The following MED12L variants were observed in gnomAD, a reference collection of about 807,000 sequenced individuals.
The protein encoded by MED12L is mediator complex subunit 12L, also known as mediator of RNA polymerase II transcription subunit 12-like protein.
Under a neutral mutation model 281.3 loss-of-function variants are expected in MED12L, and 60 were observed. The ratio of observed to expected loss-of-function variants is 0.21; its 90% CI spans 0.17 to 0.26. The LOEUF (loss-of-function observed/expected upper bound fraction) is 0.26, where lower values mean the gene tolerates loss of function less well. MED12L is among the 10% of genes least tolerant of loss of function. MED12L has a pLI of 1.00. For missense variants in MED12L, 2,146 were observed against 2,680.9 expected (o/e 0.80, Z 4.41); for synonymous variants, 974 against 987.2 (o/e 0.99, Z 0.25).
chr3:151,201,754 T>C (rs1169203259), intron 16 of MED12L, among the ~76,000 whole-genome samples: 1 of 152,278 alleles, frequency 6.6e-6, no homozygotes, highest in Admixed American at 6.5e-5. Flanking sequence ...ATTTTGAACA[T>C]ACTTTTCTTC....
rs1437832398 is a variant in MED12L at position 151,329,050 on chromosome 3, G to T, written c.2251-21009G>T. ...ATATACAAACAAAAGAAAACAAAAA[G>T]CCCTTCATGATTTTCAAATGCTATT... is the stretch of plus-strand genomic sequence containing the variant. On this transcript the variant is annotated intron_variant, in intron 16 of 44. Coordinates refer to ENST00000687756, the MANE Select transcript of MED12L (RefSeq NM_001393769.1). 7 of 1,399,776 alleles carry T rather than the reference G, an allele frequency of 5.0e-6. No individual in the cohort carries two copies. In the African/African-American group the frequency reaches 8.7e-5, roughly 17 times the overall value. 86.7% of individuals were successfully genotyped at this position (1,399,776 alleles called of 1,614,324 possible).
intron 16 of MED12L, among the ~76,000 whole-genome samples, chr3:151,252,523 T>A (rs1443774427): frequency 6.6e-6 from 1 of 152,222 alleles, no homozygotes; most frequent in Non-Finnish European, 1.5e-5. Flanking sequence ...TTTTTATTCA[T>A]TTAATTAAAG....
rs770139847 is a variant in MED12L, at chr3:151,409,219, GTT to G, written c.5821-22_5821-21del. ...CAAGCCCTTGCTGTTATGATCAAGA[GTT>G]TGCTTTGGCTTTGTTTTCCAGGGCC... On this transcript the variant is annotated intron_variant, in intron 39 of 44. Coordinates refer to ENST00000687756, the MANE Select transcript of MED12L (RefSeq NM_001393769.1). The G allele has an allele frequency of 3.2e-6, 5 of 1,572,240 alleles. No homozygotes were observed. The East Asian group carries it at 6.8e-5, about 21-fold the overall frequency.
At chr3:151,373,248 C>T (rs537059236) in intron 27 of MED12L, among the ~76,000 whole-genome samples, 8 of 152,094 alleles carry the variant, frequency 5.3e-5, no homozygotes, top group Non-Finnish European at 1.2e-4. Context: ...TTATGCATCC[C>T]TGGCCAAGAT....
chr3:151,204,268 A>C (rs66725169), intron 16 of MED12L, among the ~76,000 whole-genome samples: 16,447 of 152,222 alleles, frequency 0.11, 1,179 homozygotes, highest in African/African-American at 0.2. Flanking sequence ...AGGATCTAAA[A>C]TTAATCTCTT....
chr3:151,332,960 A>G (rs4680355), intron 16 of MED12L, among the ~76,000 whole-genome samples: 95,289 of 151,396 alleles, frequency 0.63, 29,978 homozygotes, highest in South Asian at 0.77. Context: ...TATGAATTCA[A>G]TGTTTAGCTC....
At chr3:151,187,298 GT>G (rs1034819828) in intron 12 of MED12L, among the ~76,000 whole-genome samples, 1 of 152,038 alleles carries the variant, frequency 6.6e-6, no homozygotes. Context: ...TTGCATATGT[GT>G]TTTTTTACAC....
chr3:151,228,872 T>A (rs1356952075), intron 16 of MED12L, among the ~76,000 whole-genome samples: 1 of 152,192 alleles, frequency 6.6e-6, no homozygotes, highest in African/African-American at 2.4e-5. Flanking sequence ...GAATATGTGG[T>A]CCTATTCCCT....
Position 151,376,139 on chromosome 3 carries a change from C to G in MED12L, c.3978C>G (p.Ile1326Met), listed in dbSNP as rs750380687. 1 of 1,610,704 alleles carries G rather than the reference C, an allele frequency of 6.2e-7. No individual in the cohort carries two copies. Among genetic ancestry groups the G allele is most frequent in the Non-Finnish European group, 8.5e-7 (1 of 1,178,864 alleles). Residue 1326 changes from isoleucine to methionine, a missense_variant, in exon 28 of 45, where the codon ATC becomes ATG. By Grantham distance (10) the Ile-to-Met change is conservative (BLOSUM62 1). This residue lies in a region of MED12L where 235 missense variants were observed against 260.3 expected (regional missense o/e 0.90). Coordinates refer to ENST00000687756, the MANE Select transcript of MED12L (RefSeq NM_001393769.1). The stretch of plus-strand genomic sequence containing the variant: ...AAGCACAGAAATTACTGCAGCTTAT[C>G]TGTTATCCTCATGGCATTAAAGAAT... ...NMQAQKLLQL[I>M]CYPHGIKECT...
At chr3:151,338,812 C>T (rs1374762309) in intron 16 of MED12L, 1 of 1,613,710 alleles carries the variant, frequency 6.2e-7, no homozygotes, top group Non-Finnish European at 8.5e-7. Context: ...CTGGTGTTAC[C>T]AGGCGCAGAG....
At chr3:151,293,618 C>CACACACACACG (rs1744583136) in intron 16 of MED12L, among the ~76,000 whole-genome samples, 1 of 74,034 alleles carries the variant, frequency 1.4e-5, no homozygotes. Context: ...CACACACACA[C>CACACACACACG]GGTCCTAAAA....
intron 30 of MED12L, among the ~76,000 whole-genome samples, 200 bp downstream of exon 30, chr3:151,377,378 ACAC>A: frequency 6.6e-6 from 1 of 152,188 alleles, no homozygotes; most frequent in South Asian, 2.1e-4. Context: ...GTAGGCTTAA[ACAC>A]CTTGAAACTG....
At chr3:151,418,492 G>T (rs1717878945) in intron 43 of MED12L, among the ~76,000 whole-genome samples, 1 of 152,042 alleles carries the variant, frequency 6.6e-6, no homozygotes, top group Admixed American at 6.6e-5. Context: ...CATTTTTAAG[G>T]TCTATGGAAT....
At chr3:151,243,755 C>T (rs1404192625) in intron 16 of MED12L, among the ~76,000 whole-genome samples, 2 of 151,734 alleles carry the variant, frequency 1.3e-5, no homozygotes, top group Admixed American at 1.3e-4. Context: ...GGATCAAATT[C>T]ACACATAACA....
intron 21 of MED12L, among the ~76,000 whole-genome samples, chr3:151,364,389 A>G (rs1332216102): frequency 6.6e-6 from 1 of 152,192 alleles, no homozygotes; most frequent in African/African-American, 2.4e-5. Flanking sequence ...TATGAATGAT[A>G]TAATAGTTTT....
At chr3:151,335,783 G>C (rs563029374) in intron 16 of MED12L, among the ~76,000 whole-genome samples, 22 of 152,246 alleles carry the variant, frequency 1.4e-4, no homozygotes, top group African/African-American at 5.3e-4. Flanking sequence ...TCTGAATAAA[G>C]ATATCCCAGC....
chr3:151,186,597 CTT>C lies in MED12L; in HGVS notation c.1626+1138_1626+1139del, dbSNP rs1243532764. The stretch of plus-strand genomic sequence containing the variant: ...TCTAGGTTGCAGACTGTTCCCCAGT[CTT>C]TGCATGGCCAGCCTCTTCCTGGCAT... On this transcript the variant is annotated intron_variant, in intron 12 of 44. Transcript: ENST00000687756. 5.9e-5 allele frequency among the ~76,000 whole-genome samples: 9 copies of C among 152,320 alleles called. No homozygotes were observed. In the East Asian group the frequency reaches 1.5e-3, roughly 26 times the overall value.
intron 5 of MED12L, among the ~76,000 whole-genome samples, chr3:151,146,316 C>A (rs1001797859): frequency 6.6e-6 from 1 of 152,166 alleles, no homozygotes; most frequent in African/African-American, 2.4e-5. Flanking sequence ...TCACACGCTG[C>A]CATTTCTGTG....
intron 43 of MED12L, among the ~76,000 whole-genome samples, chr3:151,427,414 C>T (rs1718997725): frequency 1.3e-5 from 2 of 152,304 alleles, no homozygotes; most frequent in South Asian, 2.1e-4. Flanking sequence ...CCAACACACA[C>T]ACGCATACAT....
Sources: allele counts gnomAD v4.1 joint callset (sites outside exome capture counted in the v4.1 genomes callset), GRCh38; gene constraint gnomAD v4.1.1; regional missense constraint gnomAD v4.1.1; transcripts MANE v1.5; gene names NCBI Gene and HGNC (gene_info 2026-07-23, HGNC 2026-07-21).